SPATA31H1: variants seen among roughly 807,000 people sequenced by gnomAD.
The protein encoded by SPATA31H1 is SPATA31 subfamily H member 1.
chr2:27,550,954 A>G, the SPATA31H1 span, among the ~76,000 whole-genome samples: 1 of 150,924 alleles, frequency 6.6e-6, no homozygotes, highest in East Asian at 1.9e-4. Flanking sequence ...CAGTGGTATG[A>G]TCTCAGCTCA....
chr2:27,539,965 G>A, the SPATA31H1 span, among the ~76,000 whole-genome samples: 3 of 128,662 alleles, frequency 2.3e-5, no homozygotes, highest in Admixed American at 7.8e-5. Flanking sequence ...CCAGGCGGGG[G>A]GCTGATCCCC....
chr2:27,578,355 G>A, the SPATA31H1 span: 1 of 1,613,988 alleles, frequency 6.2e-7, no homozygotes, highest in African/African-American at 1.3e-5. Flanking sequence ...GTTAATCCCA[G>A]GGCCATCCCT....
the SPATA31H1 span, chr2:27,574,824 G>C: frequency 5.0e-6 from 2 of 398,308 alleles, no homozygotes; most frequent in Admixed American, 4.4e-5. Context: ...CTCAATAATG[G>C]GGACAGAGCT....
the SPATA31H1 span, among the ~76,000 whole-genome samples, chr2:27,542,885 T>A: frequency 6.6e-6 from 1 of 151,812 alleles, no homozygotes; most frequent in Non-Finnish European, 1.5e-5. Context: ...TCACCTGAGG[T>A]CAGGAGTTCG....
chr2:27,578,695 T>A, the SPATA31H1 span: 12 of 1,614,100 alleles, frequency 7.4e-6, no homozygotes, highest in East Asian at 2.2e-4. Context: ...CTAGGACACG[T>A]GTGTCAGAAT....
At chr2:27,541,470 C>A in the SPATA31H1 span, among the ~76,000 whole-genome samples, 1 of 151,988 alleles carries the variant, frequency 6.6e-6, no homozygotes, top group Non-Finnish European at 1.5e-5. Flanking sequence ...TCTATGAGGA[C>A]TACATTCATC....
At chr2:27,539,674 C>T in the SPATA31H1 span, among the ~76,000 whole-genome samples, 277 of 97,918 alleles carry the variant, frequency 2.8e-3, no homozygotes, top group African/African-American at 0.011. Context: ...AGGGGCTCCT[C>T]ACTTCCCAGT....
chr2:27,561,450 C>G, the SPATA31H1 span, among the ~76,000 whole-genome samples: 2 of 152,322 alleles, frequency 1.3e-5, no homozygotes, highest in African/African-American at 4.8e-5. Flanking sequence ...CATCATCTCA[C>G]TTATCTCTTT....
At chr2:27,578,482 G>C in the SPATA31H1 span, 1 of 1,614,048 alleles carries the variant, frequency 6.2e-7, no homozygotes, top group Middle Eastern at 1.6e-4. Flanking sequence ...TTACTTCCAA[G>C]GCCACATCTT....
chr2:27,576,309 G>C, the SPATA31H1 span: 2 of 433,900 alleles, frequency 4.6e-6, no homozygotes, highest in East Asian at 6.5e-5. Context: ...AAAATTTCAA[G>C]ATATAACACC....
chr2:27,565,943 C>A, the SPATA31H1 span: 1 of 701,306 alleles, frequency 1.4e-6, no homozygotes, highest in South Asian at 1.6e-5. Context: ...TTGGGTATAA[C>A]TTCATCTTTG....
chr2:27,570,825 C>T, the SPATA31H1 span: 1 of 398,784 alleles, frequency 2.5e-6, no homozygotes, highest in Admixed American at 4.4e-5. Context: ...CAACCAAGAA[C>T]CAAGCCTTGA....
the SPATA31H1 span, chr2:27,580,600 A>G: frequency 6.2e-7 from 1 of 1,614,156 alleles, no homozygotes; most frequent in Non-Finnish European, 8.5e-7. Context: ...CAACCTAAGA[A>G]ACCTTCCCAA....
the SPATA31H1 span, chr2:27,574,914 A>G: frequency 2.5e-6 from 1 of 398,436 alleles, no homozygotes; most frequent in Non-Finnish European, 4.4e-6. Flanking sequence ...CCCAGCGACA[A>G]AGCTTCAAAA....
chr2:27,539,998 G>A, the SPATA31H1 span, among the ~76,000 whole-genome samples: 5 of 133,706 alleles, frequency 3.7e-5, no homozygotes, highest in Non-Finnish European at 1.6e-5. Context: ...CGGACTGGGC[G>A]GCTGGCCGGG....
the SPATA31H1 span, chr2:27,569,610 T>G: frequency 1.3e-5 from 5 of 398,584 alleles, no homozygotes; most frequent in Non-Finnish European, 2.2e-5. Context: ...GGGAGAAAAG[T>G]CTAAGCAGCT....
the SPATA31H1 span, chr2:27,576,620 G>A: frequency 6.2e-7 from 1 of 1,609,192 alleles, no homozygotes; most frequent in South Asian, 1.1e-5. Context: ...ATTATCAAGA[G>A]TTGACTTCAG....
chr2:27,554,995 T>C, the SPATA31H1 span, among the ~76,000 whole-genome samples: 146 of 152,112 alleles, frequency 9.6e-4, 3 homozygotes, highest in African/African-American at 3.4e-3. Flanking sequence ...TTTCAACATA[T>C]GAATTTTGGG....
the SPATA31H1 span, among the ~76,000 whole-genome samples, chr2:27,539,101 CTTT>C: frequency 1.2e-3 from 114 of 94,596 alleles, no homozygotes; most frequent in African/African-American, 3.9e-3. Context: ...TCATCATTTT[CTTT>C]TTTTTTTTTT....
Sources: gnomAD v4.1 joint callset for allele counts (sites outside exome capture counted in the v4.1 genomes callset) on GRCh38, gnomAD v4.1.1 for gene constraint, MANE v1.5 for transcripts, NCBI Gene and HGNC (gene_info 2026-07-23, HGNC 2026-07-21) for gene names.